Variants in KCNQ1 observed in about 807,000 individuals in gnomAD.
KCNQ1 encodes potassium voltage-gated channel subfamily Q member 1.
Under a neutral mutation model 72.4 loss-of-function variants are expected in KCNQ1, and 49 were observed. The observed-to-expected ratio is 0.68, with a 90% CI of 0.54 to 0.86. The LOEUF is 0.86. KCNQ1 is among the 40% of genes least tolerant of loss of function. The pLI is 0.00. For synonymous variants in KCNQ1, 450 were observed against 412.6 expected, an observed-to-expected ratio of 1.09 and a Z score of -1.10; for missense variants, 790 against 945.1, an observed-to-expected ratio of 0.84 and a Z score of 2.15.
rs1590028109 is a variant in KCNQ1, at chr11:2,680,630, T to C, written c.1514+18549T>C. 12 of 398,512 alleles carry C rather than the reference T, an allele frequency of 3.0e-5. No homozygotes were observed. In the East Asian group the frequency reaches 3.9e-4, roughly 13 times the overall value. 24.7% of individuals were successfully genotyped at this position (398,512 alleles called of 1,614,324 possible). ...CTTGCAAAACTGTAGTACAATATTC[T>C]GACCAGGATATTGCATTGATAGTCT... On this transcript the variant is annotated intron_variant, in intron 11 of 15. Coordinates refer to ENST00000155840, the MANE Select transcript of KCNQ1 (RefSeq NM_000218.3).
Position 2,679,349 on chromosome 11 carries a change from C to G in KCNQ1, c.1514+17268C>G. 2.5e-6 allele frequency: 1 copy of G among 398,624 alleles called. No homozygotes were observed. The highest frequency in any genetic ancestry group is 4.4e-5 in the Admixed American group (1 of 22,742). 24.7% of individuals were successfully genotyped at this position (398,624 alleles called of 1,614,324 possible). On this transcript the variant is annotated intron_variant, in intron 11 of 15. Coordinates refer to ENST00000155840, the MANE Select transcript of KCNQ1 (RefSeq NM_000218.3). This position sits in a 1 kb window ranked among gnomAD's most constrained non-coding sequence, Gnocchi z 4.8. The stretch of plus-strand genomic sequence containing the variant: ...ATATCCTAATTCCACTACTTTCTAC[C>G]TGCTACACCTTGAGTGAGTCACTTA...
intron 11 of KCNQ1, among the ~76,000 whole-genome samples, chr11:2,742,331 TG>T (rs1846069058): frequency 6.6e-6 from 1 of 152,112 alleles, no homozygotes; most frequent in African/African-American, 2.4e-5. Context: ...TCAGCTACAA[TG>T]AGAGGCATCA....
rs1160951689 is a variant in KCNQ1, at chr11:2,482,740, T to C, written c.386+37256T>C. Among the ~76,000 whole-genome samples, 1 of 152,098 alleles carries C rather than the reference T, an allele frequency of 6.6e-6. No individual in the cohort carries two copies. The highest frequency in any genetic ancestry group is 1.5e-5 in the Non-Finnish European group (1 of 68,028). On this transcript the variant is annotated intron_variant, in intron 1 of 15. Coordinates refer to ENST00000155840, the MANE Select transcript of KCNQ1 (RefSeq NM_000218.3). The surrounding 1 kb of genome is among the most constrained non-coding windows in gnomAD (Gnocchi z 5.7). ...AAAAATAGAATATCCTTCCTCCTCT[T>C]AGTGAGGGGAGTATGTTTATGTTTG...
In KCNQ1 at chr11:2,549,722, T is replaced by C. The variant is rs1051026210; in HGVS notation, c.478-20906T>C. Reference sequence around the variant, plus strand: ...TGGGTGGCCCTGGGCTCCCCAGGCCTGGTGTGGGGGTGCCTGGGGGGCAGT... The same window carrying C: ...TGGGTGGCCCTGGGCTCCCCAGGCCCGGTGTGGGGGTGCCTGGGGGGCAGT... On this transcript the variant is annotated intron_variant, in intron 2 of 15. Coordinates refer to ENST00000155840, the MANE Select transcript of KCNQ1 (RefSeq NM_000218.3). The surrounding 1 kb of genome is among the most constrained non-coding windows in gnomAD (Gnocchi z 6.2). Among the ~76,000 whole-genome samples the C allele has an allele frequency of 2.6e-5, 4 of 151,918 alleles. No homozygotes were observed. Among genetic ancestry groups the C allele is most frequent in the African/African-American group, 9.7e-5 (4 of 41,380 alleles).
rs1026776940 is a variant in KCNQ1 at position 2,687,071 on chromosome 11, T to C, written c.1514+24990T>C. The C allele has an allele frequency of 2.5e-6, 1 of 398,636 alleles. No individual in the cohort carries two copies. The highest frequency in any genetic ancestry group is 4.4e-6 in the Non-Finnish European group (1 of 226,068). 24.7% of individuals were successfully genotyped at this position (398,636 alleles called of 1,614,324 possible). On this transcript the variant is annotated intron_variant, in intron 11 of 15. Transcript: ENST00000155840. This position sits in a 1 kb window ranked among gnomAD's most constrained non-coding sequence, Gnocchi z 5.0. ...TGGGGGACAAGGACCCACAAAGTGA[T>C]GCAAGATATCCTGAGTTGGGTGTGA...
chr11:2,529,479 T>C (rs931236884), intron 2 of KCNQ1, among the ~76,000 whole-genome samples: 1 of 152,024 alleles, frequency 6.6e-6, no homozygotes, highest in Non-Finnish European at 1.5e-5. Flanking sequence ...TGTGTGTTTA[T>C]GGGCAGCATT....
At chr11:2,754,122 G>A (rs1042541707) in intron 11 of KCNQ1, among the ~76,000 whole-genome samples, 22 of 152,252 alleles carry the variant, frequency 1.4e-4, no homozygotes, top group African/African-American at 5.1e-4. Context: ...AAACCACAGT[G>A]AGGTTTACAC....
chr11:2,542,353 C>A (rs918104620), intron 2 of KCNQ1, among the ~76,000 whole-genome samples: 6 of 152,228 alleles, frequency 3.9e-5, no homozygotes. Context: ...TAAGGGGCCC[C>A]GTGCCCACCA....
intron 15 of KCNQ1, chr11:2,840,453 A>C (rs1222032918): frequency 4.6e-5 from 7 of 152,220 alleles, no homozygotes; most frequent in Admixed American, 1.3e-4. Flanking sequence ...CTGCAAAAGT[A>C]AGTCTGTAGG....
intron 1 of KCNQ1, among the ~76,000 whole-genome samples, chr11:2,513,106 C>A (rs73419557): frequency 1.3e-5 from 2 of 151,958 alleles, no homozygotes; most frequent in African/African-American, 4.8e-5. Context: ...TGCTGTGCTG[C>A]GCTCTGGGCC....
intron 15 of KCNQ1, among the ~76,000 whole-genome samples, chr11:2,795,988 C>CTGTGTGT (rs1847121226): frequency 6.6e-6 from 1 of 151,926 alleles, no homozygotes; most frequent in African/African-American, 2.4e-5. Context: ...ACAGGGACAC[C>CTGTGTGT]CTTTGTGTTT....
Position 2,562,209 on chromosome 11 carries a change from G to A in KCNQ1, c.478-8419G>A, listed in dbSNP as rs1193144492. Among the ~76,000 whole-genome samples the A allele has an allele frequency of 2.6e-5, 4 of 151,774 alleles. No homozygotes were observed. Among genetic ancestry groups the A allele is most frequent in the East Asian group, 1.9e-4 (1 of 5,132 alleles). On this transcript the variant is annotated intron_variant, in intron 2 of 15. Transcript: ENST00000155840. This position sits in a 1 kb window ranked among gnomAD's most constrained non-coding sequence, Gnocchi z 7.5. ...GGCGGGGTGGGGACTGGTACTCCCC[G>A]GGGGGTGGGGGTGAGGGCGGGGGTG...
intron 10 of KCNQ1, chr11:2,614,666 T>C (rs886144708): frequency 2.5e-6 from 1 of 398,392 alleles, no homozygotes; most frequent in Non-Finnish European, 4.4e-6. Flanking sequence ...ATACATTTGT[T>C]GAAAATGAAT....
chr11:2,798,710 C>T (rs1026495713), intron 15 of KCNQ1, among the ~76,000 whole-genome samples: 10 of 152,118 alleles, frequency 6.6e-5, no homozygotes, highest in African/African-American at 2.4e-4. Context: ...ACCCTTGCAG[C>T]GAGACAAATG....
chr11:2,631,118 A>G (rs375573909), intron 10 of KCNQ1: 30 of 398,590 alleles, frequency 7.5e-5, no homozygotes, highest in East Asian at 3.2e-4. Flanking sequence ...ATGTCCATCA[A>G]TCTGGGAAGA....
Position 2,567,106 on chromosome 11 carries a change from G to A in KCNQ1, c.478-3522G>A, listed in dbSNP as rs575551145. On this transcript the variant is annotated intron_variant, in intron 2 of 15. Transcript: ENST00000155840. This position sits in a 1 kb window ranked among gnomAD's most constrained non-coding sequence, Gnocchi z 6.6. The stretch of plus-strand genomic sequence containing the variant: ...AGACTGGGCGGTGAGCCCCTGGGAA[G>A]GAGGCCTCAGGGACAGCCCTAGACT... 2.0e-5 allele frequency among the ~76,000 whole-genome samples: 3 copies of A among 152,230 alleles called. No homozygotes were observed. In the East Asian group the frequency reaches 5.8e-4, roughly 29 times the overall value.
chr11:2,467,357 G>A (rs1846367013), intron 1 of KCNQ1, among the ~76,000 whole-genome samples: 1 of 152,150 alleles, frequency 6.6e-6, no homozygotes, highest in Non-Finnish European at 1.5e-5. Context: ...CTACCCTTTT[G>A]GTCCTCACGG....
chr11:2,450,371 G>A lies in KCNQ1; in HGVS notation c.386+4887G>A, dbSNP rs923382362. The stretch of plus-strand genomic sequence containing the variant: ...CATGGTGTCGGCCCGGGGAGATGCC[G>A]CAGAGAAGCTTCCAGAAGCCCAACA... On this transcript the variant is annotated intron_variant, in intron 1 of 15. Coordinates refer to ENST00000155840, the MANE Select transcript of KCNQ1 (RefSeq NM_000218.3). The surrounding 1 kb of genome is among the most constrained non-coding windows in gnomAD (Gnocchi z 7.9). Among the ~76,000 whole-genome samples the A allele has an allele frequency of 2.0e-5, 3 of 152,278 alleles. No individual in the cohort carries two copies. Among genetic ancestry groups the A allele is most frequent in the South Asian group, 2.1e-4 (1 of 4,822 alleles).
rs1850990574 is a variant in KCNQ1, at chr11:2,710,876, A to T, written c.1514+48795A>T. ...CCAGTACTATATCGTCTTGATTGTT[A>T]TAGCTTTGTAGTGAGTTTTAAAATT... On this transcript the variant is annotated intron_variant, in intron 11 of 15. Transcript: ENST00000155840. This position sits in a 1 kb window ranked among gnomAD's most constrained non-coding sequence, Gnocchi z 4.1. Among the ~76,000 whole-genome samples the T allele has an allele frequency of 6.6e-6, 1 of 152,194 alleles. No homozygotes were observed. Among genetic ancestry groups the T allele is most frequent in the African/African-American group, 2.4e-5 (1 of 41,452 alleles).
Sources: gnomAD v4.1 joint callset for allele counts (sites outside exome capture counted in the v4.1 genomes callset) on GRCh38, gnomAD v4.1.1 for gene constraint, Gnocchi (gnomAD v3.1) non-coding constraint, MANE v1.5 for transcripts, NCBI Gene and HGNC (gene_info 2026-07-23, HGNC 2026-07-21) for gene names.